LRCH1: variants seen among roughly 807,000 people sequenced by gnomAD.
LRCH1 encodes leucine rich repeats and calponin homology domain containing 1, also known as leucine-rich repeat and calponin homology domain-containing protein 1.
In LRCH1, 23 loss-of-function variants were observed where a neutral mutation model predicts 94.9. The ratio of observed to expected loss-of-function variants is 0.24; its 90% CI spans 0.17 to 0.34. The LOEUF is 0.34. LRCH1 is among the 10% of genes least tolerant of loss of function. LRCH1 has a pLI of 1.00. For missense variants in LRCH1, 790 were observed against 945.9 expected, an observed-to-expected ratio of 0.84 and a Z score of 2.16; for synonymous variants, 364 against 354.9, an observed-to-expected ratio of 1.03 and a Z score of -0.29.
intron 3 of LRCH1, among the ~76,000 whole-genome samples, chr13:46,674,252 A>G (rs2051641721): frequency 6.6e-6 from 1 of 152,232 alleles, no homozygotes; most frequent in Non-Finnish European, 1.5e-5. Flanking sequence ...TTATCTTTCT[A>G]AATACATTAG....
intron 13 of LRCH1, among the ~76,000 whole-genome samples, chr13:46,711,052 G>T (rs2138197937): frequency 6.6e-6 from 1 of 152,232 alleles, no homozygotes; most frequent in East Asian, 1.9e-4. Flanking sequence ...TGTAGCTCAT[G>T]CCTCAGGTTC....
chr13:46,661,023 C>G (rs1399374661), intron 2 of LRCH1, among the ~76,000 whole-genome samples: 1 of 152,182 alleles, frequency 6.6e-6, no homozygotes, highest in Non-Finnish European at 1.5e-5. Context: ...TCTTTGACCC[C>G]TTTCCTCCAT....
At chr13:46,656,049 G>A (rs1418073635) in intron 2 of LRCH1, among the ~76,000 whole-genome samples, 1 of 152,148 alleles carries the variant, frequency 6.6e-6, no homozygotes, top group Non-Finnish European at 1.5e-5. Flanking sequence ...CTGCAGCCTG[G>A]CATTCTTTTC....
chr13:46,676,542 G>T (rs1028985202), intron 3 of LRCH1, among the ~76,000 whole-genome samples: 2 of 152,150 alleles, frequency 1.3e-5, no homozygotes, highest in African/African-American at 4.8e-5. Flanking sequence ...GCATGGCTAC[G>T]TGATAGGAGG....
chr13:46,584,674 G>A (rs558559402), intron 1 of LRCH1, among the ~76,000 whole-genome samples: 9 of 152,248 alleles, frequency 5.9e-5, no homozygotes, highest in African/African-American at 1.7e-4. Flanking sequence ...CTGTACCTGC[G>A]TTGCTTTTGT....
intron 3 of LRCH1, among the ~76,000 whole-genome samples, chr13:46,681,215 C>T (rs1467286270): frequency 6.6e-6 from 1 of 152,208 alleles, no homozygotes; most frequent in Non-Finnish European, 1.5e-5. Context: ...TGCATCCAAA[C>T]ATTGCATTAA....
intron 1 of LRCH1, among the ~76,000 whole-genome samples, chr13:46,646,687 C>T (rs776640103): frequency 1.8e-4 from 27 of 152,250 alleles, no homozygotes; most frequent in South Asian, 6.2e-4. Flanking sequence ...ATATTACATT[C>T]AATCACACAA....
At chr13:46,605,059 TG>T (rs1422057316) in intron 1 of LRCH1, among the ~76,000 whole-genome samples, 2 of 152,226 alleles carry the variant, frequency 1.3e-5, no homozygotes, top group Non-Finnish European at 2.9e-5. Flanking sequence ...TCCCTTTGTG[TG>T]GAGAGGCCAG....
intron 17 of LRCH1, 115 bp from the exon 18 acceptor site, chr13:46,728,732 T>C: frequency 2.1e-6 from 2 of 973,516 alleles, no homozygotes; most frequent in South Asian, 2.4e-5. Context: ...GGCATTGTTA[T>C]CCTTATTTCC....
intron 2 of LRCH1, among the ~76,000 whole-genome samples, chr13:46,655,661 G>A (rs2051360994): frequency 6.6e-6 from 1 of 152,194 alleles, no homozygotes; most frequent in South Asian, 2.1e-4. Flanking sequence ...TAGAGAGTTT[G>A]TTGTTGATGA....
intron 1 of LRCH1, among the ~76,000 whole-genome samples, chr13:46,578,255 T>G (rs1299782959): frequency 2.6e-5 from 4 of 152,224 alleles, no homozygotes. Flanking sequence ...TTGTGGCGCC[T>G]GCATAGTGAA....
At chr13:46,564,014 CAA>C (rs367750362) in intron 1 of LRCH1, among the ~76,000 whole-genome samples, 1 of 149,436 alleles carries the variant, frequency 6.7e-6, no homozygotes, top group East Asian at 1.9e-4. Context: ...TCCCAAAAAA[CAA>C]AAAAAAATGG....
chr13:46,623,714 CTT>C (rs1196177553), intron 1 of LRCH1, among the ~76,000 whole-genome samples: 1 of 91,064 alleles, frequency 1.1e-5, no homozygotes, highest in African/African-American at 4.0e-5. Flanking sequence ...TTTTCTTTTT[CTT>C]TTTTTTTTAT....
rs373232448 is a variant in LRCH1, at chr13:46,606,814, C to G, written c.308-43387C>G. Among the ~76,000 whole-genome samples the G allele has an allele frequency of 2.6e-5, 4 of 152,168 alleles. No homozygotes were observed. In the East Asian group the frequency reaches 5.8e-4, roughly 22 times the overall value. On this transcript the variant is annotated intron_variant, in intron 1 of 19. Coordinates refer to ENST00000389797, the MANE Select transcript of LRCH1 (RefSeq NM_001164211.2). ...CTCGAACTCCTGACCTCAAGTGATC[C>G]TCCTGCCTCGGCTGGTGTGCTAGGA...
In LRCH1 at chr13:46,635,750, C is replaced by T. The variant is rs140899049; in HGVS notation, c.308-14451C>T. On this transcript the variant is annotated intron_variant, in intron 1 of 19. Transcript: ENST00000389797. ...CCTCCCAAAGTGCTGGGATTACAGG[C>T]GTGAGCCACCGCACCCGGCCCCCTC... Among the ~76,000 whole-genome samples, 464 of 152,138 alleles carry T rather than the reference C, an allele frequency of 3.0e-3. 6 individuals carry two copies. The highest frequency in any genetic ancestry group is 0.011 in the African/African-American group (444 of 41,502).
chr13:46,671,078 A>G (rs1180928394), intron 3 of LRCH1, among the ~76,000 whole-genome samples: 1 of 152,120 alleles, frequency 6.6e-6, no homozygotes. Context: ...TGCCACTGGC[A>G]CCTTCACTCT....
At chr13:46,676,645 G>A (rs928133983) in intron 3 of LRCH1, among the ~76,000 whole-genome samples, 2 of 152,144 alleles carry the variant, frequency 1.3e-5, no homozygotes, top group African/African-American at 4.8e-5. Flanking sequence ...ATCTCAAGCA[G>A]TATTACCATA....
At chr13:46,691,506 A>G (rs1322464331) in intron 7 of LRCH1, among the ~76,000 whole-genome samples, 1 of 152,190 alleles carries the variant, frequency 6.6e-6, no homozygotes, top group Non-Finnish European at 1.5e-5. Context: ...AGGGTCGATA[A>G]TTTATAAAGA....
chr13:46,698,867 T>A (rs545304866), intron 9 of LRCH1, among the ~76,000 whole-genome samples: 68 of 152,342 alleles, frequency 4.5e-4, no homozygotes, highest in Non-Finnish European at 7.6e-4. Context: ...TCAGAGTGTT[T>A]TAACTACATT....
Sources: allele counts gnomAD v4.1 joint callset (sites outside exome capture counted in the v4.1 genomes callset), GRCh38; gene constraint gnomAD v4.1.1; transcripts MANE v1.5; gene names NCBI Gene and HGNC (gene_info 2026-07-23, HGNC 2026-07-21).